UBL3: variants seen among roughly 807,000 people sequenced by gnomAD.
The protein encoded by UBL3 is ubiquitin-like protein 3.
Under a neutral mutation model 18.4 loss-of-function variants are expected in UBL3, and 6 were observed. The observed-to-expected ratio is 0.33, with a 90% CI of 0.18 to 0.64. The LOEUF (loss-of-function observed/expected upper bound fraction) is 0.64. Ranked by LOEUF, UBL3 falls within the 30% of genes least tolerant of loss-of-function variation. The pLI is 0.76. For synonymous variants in UBL3, 49 were observed against 46.6 expected, an observed-to-expected ratio of 1.05 and a Z score of -0.21; for missense variants, 109 against 142.9, an observed-to-expected ratio of 0.76 and a Z score of 1.21.
intron 2 of UBL3, among the ~76,000 whole-genome samples, chr13:29,776,683 C>A (rs562535997): frequency 2.0e-5 from 3 of 151,646 alleles, no homozygotes; most frequent in Non-Finnish European, 4.4e-5. Flanking sequence ...CCATCCTGGC[C>A]GACATGGTGA....
chr13:29,827,821 T>C (rs1267424389), intron 1 of UBL3, among the ~76,000 whole-genome samples: 1 of 152,236 alleles, frequency 6.6e-6, no homozygotes, highest in African/African-American at 2.4e-5. Flanking sequence ...CTGGTACCTG[T>C]TGTTGCTTTC....
At chr13:29,812,704 A>AT (rs1878125807) in intron 1 of UBL3, among the ~76,000 whole-genome samples, 1 of 152,006 alleles carries the variant, frequency 6.6e-6, no homozygotes, top group Admixed American at 6.6e-5. Flanking sequence ...ATATGAATTT[A>AT]TTTTTTCAAC....
intron 1 of UBL3, among the ~76,000 whole-genome samples, chr13:29,808,008 A>T (rs1877941204): frequency 6.6e-6 from 1 of 152,184 alleles, no homozygotes; most frequent in African/African-American, 2.4e-5. Context: ...ATTAACAAAC[A>T]TGCATTAAAA....
chr13:29,844,404 T>C (rs777499567), intron 1 of UBL3, among the ~76,000 whole-genome samples: 8 of 152,310 alleles, frequency 5.3e-5, no homozygotes, highest in East Asian at 3.9e-4. Flanking sequence ...GAGGGTATTA[T>C]AGTTGTAGCT....
At chr13:29,843,379 A>C (rs1366058809) in intron 1 of UBL3, among the ~76,000 whole-genome samples, 1 of 152,200 alleles carries the variant, frequency 6.6e-6, no homozygotes, top group Non-Finnish European at 1.5e-5. Flanking sequence ...CTATTAACAT[A>C]TTAGGTGAGC....
Position 29,777,155 on chromosome 13 carries a change from C to G in UBL3, c.136G>C (p.Asp46His). Residue 46 changes from aspartate (D) to histidine (H), a missense_variant and splice_region_variant, in exon 2 of 5, where the codon GAC becomes CAC. Asp to His is a moderately conservative substitution (Grantham distance 81, BLOSUM62 -1). Transcript: ENST00000380680. ...TACTCAAGAGAAAAATATCACTCACCCATTGGCCAATTGTCATATACATGC... is the reference window on the plus strand; with the variant it reads ...TACTCAAGAGAAAAATATCACTCACGCATTGGCCAATTGTCATATACATGC... ...AKHVYDNWPMDWEEEQVSSPN... is the reference protein window; with the variant it reads ...AKHVYDNWPMHWEEEQVSSPN... The G allele has an allele frequency of 6.3e-7, 1 of 1,583,946 alleles. No homozygotes were observed. Among genetic ancestry groups the G allele is most frequent in the Non-Finnish European group, 8.6e-7 (1 of 1,164,284 alleles).
chr13:29,768,704 C>T (rs1333652895), intron 3 of UBL3, among the ~76,000 whole-genome samples: 1 of 152,022 alleles, frequency 6.6e-6, no homozygotes, highest in Non-Finnish European at 1.5e-5. Context: ...ATTTGGTCTA[C>T]ACTTTTAACC....
At chr13:29,776,204 T>C (rs531478306) in intron 2 of UBL3, among the ~76,000 whole-genome samples, 1 of 152,066 alleles carries the variant, frequency 6.6e-6, no homozygotes, top group South Asian at 2.1e-4. Flanking sequence ...TTTACTGATA[T>C]GAAGGTGTGT....
intron 1 of UBL3, among the ~76,000 whole-genome samples, chr13:29,815,115 C>T (rs719199): frequency 6.6e-6 from 1 of 152,104 alleles, no homozygotes; most frequent in East Asian, 1.9e-4. Context: ...CCTAACTCTG[C>T]GCAAAACACA....
chr13:29,823,976 C>T (rs1283859752), intron 1 of UBL3, among the ~76,000 whole-genome samples: 4 of 151,314 alleles, frequency 2.6e-5, no homozygotes, highest in African/African-American at 4.9e-5. Context: ...TCTGTCCTTG[C>T]GATAGTTTGC....
At position 29,785,368 on chromosome 13, in the gene UBL3, T is replaced by C. The variant is rs192859631; in HGVS notation, c.28-8105A>G. 1.8e-4 allele frequency among the ~76,000 whole-genome samples: 27 copies of C among 152,316 alleles called. No individual in the cohort carries two copies. In the East Asian group the frequency reaches 4.8e-3, roughly 27 times the overall value. ...AAAAGATTTTTTTTAAGTGCTCAAC[T>C]TTTTATAATTTGGTGTTTATGTCGG... On this transcript the variant is annotated intron_variant, in intron 1 of 4. Transcript: ENST00000380680.
intron 1 of UBL3, among the ~76,000 whole-genome samples, chr13:29,826,870 T>G (rs1392845635): frequency 1.3e-5 from 2 of 152,198 alleles, no homozygotes; most frequent in South Asian, 2.1e-4. Context: ...GTCCCTGAGA[T>G]TCTGGTATGT....
In UBL3 at chr13:29,827,804, G is replaced by C. The variant is rs142180436; in HGVS notation, c.27+21708C>G. On this transcript the variant is annotated intron_variant, in intron 1 of 4. Coordinates refer to ENST00000380680, the MANE Select transcript of UBL3 (RefSeq NM_007106.4). ...GGTCTTTACTATTTGGCATGTTTTT[G>C]CAGTGGCTGGTACCTGTTGTTGCTT... Among the ~76,000 whole-genome samples, 118 of 152,306 alleles carry C rather than the reference G, an allele frequency of 7.7e-4. 2 individuals are homozygous for C. The East Asian group carries it at 0.021, about 27-fold the overall frequency.
chr13:29,843,078 G>C lies in UBL3; in HGVS notation c.27+6434C>G, dbSNP rs564441291. Reference sequence around the variant, plus strand: ...AAAAAACAGCTGCTCAACAAGGCAGGAGACAGAAAACTTCTAACTATCAAA... The same window carrying C: ...AAAAAACAGCTGCTCAACAAGGCAGCAGACAGAAAACTTCTAACTATCAAA... On this transcript the variant is annotated intron_variant, in intron 1 of 4. Transcript: ENST00000380680. 3.3e-5 allele frequency among the ~76,000 whole-genome samples: 5 copies of C among 152,300 alleles called. No homozygotes were observed. In the South Asian group the frequency reaches 1.0e-3, roughly 32 times the overall value.
intron 1 of UBL3, among the ~76,000 whole-genome samples, chr13:29,804,909 G>A (rs542801706): frequency 6.6e-6 from 1 of 152,082 alleles, no homozygotes; most frequent in East Asian, 1.9e-4. Flanking sequence ...TAATGCATTC[G>A]ATCATTCCTA....
At position 29,777,118 on chromosome 13, in the gene UBL3, C is replaced by T. The variant is rs927846053; in HGVS notation, c.136+37G>A. On this transcript the variant is annotated intron_variant, in intron 2 of 4. Coordinates refer to ENST00000380680, the MANE Select transcript of UBL3 (RefSeq NM_007106.4). The stretch of plus-strand genomic sequence containing the variant: ...GTGAGACAAGGTAGGGCATAAGAAT[C>T]AACATTATTCATACTCAAGAGAAAA... 7.5e-6 allele frequency: 11 copies of T among 1,471,538 alleles called. No homozygotes were observed. The African/African-American group carries it at 1.1e-4, about 15-fold the overall frequency. 91.2% of individuals were successfully genotyped at this position (1,471,538 alleles called of 1,614,324 possible).
chr13:29,828,511 T>C (rs569165975), intron 1 of UBL3, among the ~76,000 whole-genome samples: 3 of 152,328 alleles, frequency 2.0e-5, no homozygotes, highest in East Asian at 1.9e-4. Flanking sequence ...TCTCATGCCA[T>C]GGTTTTCAGC....
chr13:29,789,916 A>G lies in UBL3; in HGVS notation c.28-12653T>C, dbSNP rs535174585. ...AAATATTTGTATCACTGTTGCATGAAAGAGCAGAATATACCCAGAGATGGT... is the reference window on the plus strand; with the variant it reads ...AAATATTTGTATCACTGTTGCATGAGAGAGCAGAATATACCCAGAGATGGT... On this transcript the variant is annotated intron_variant, in intron 1 of 4. Coordinates refer to ENST00000380680, the MANE Select transcript of UBL3 (RefSeq NM_007106.4). Among the ~76,000 whole-genome samples the G allele has an allele frequency of 4.6e-5, 7 of 152,330 alleles. 1 individual carries two copies. In the South Asian group the frequency reaches 1.5e-3, roughly 32 times the overall value.
intron 1 of UBL3, among the ~76,000 whole-genome samples, chr13:29,847,668 T>C (rs987036380): frequency 6.6e-5 from 10 of 152,226 alleles, no homozygotes; most frequent in African/African-American, 9.6e-5. Flanking sequence ...TGTGAGAGAA[T>C]AGACGGTACT....
Sources: allele counts gnomAD v4.1 joint callset (sites outside exome capture counted in the v4.1 genomes callset), GRCh38; gene constraint gnomAD v4.1.1; transcripts MANE v1.5; gene names NCBI Gene and HGNC (gene_info 2026-07-23, HGNC 2026-07-21).